Variants in ANP32B observed in about 807,000 individuals in gnomAD.
ANP32B encodes the protein acidic leucine-rich nuclear phosphoprotein 32 family member B.
ANP32B carries 6 observed loss-of-function variants against 32.2 expected under a neutral mutation model. The ratio of observed to expected loss-of-function variants is 0.19; its 90% CI spans 0.10 to 0.37. The LOEUF (loss-of-function observed/expected upper bound fraction) is 0.37. ANP32B is among the 10% of genes least tolerant of loss of function. ANP32B has a pLI of 1.00. For missense variants in ANP32B, 204 were observed against 289.2 expected, an observed-to-expected ratio of 0.71 and a Z score of 2.14; for synonymous variants, 98 against 105.8, an observed-to-expected ratio of 0.93 and a Z score of 0.45.
chr9:97,990,059 A>G (rs956635909), intron 1 of ANP32B, among the ~76,000 whole-genome samples: 8 of 152,192 alleles, frequency 5.3e-5, no homozygotes, highest in Admixed American at 4.6e-4. Context: ...ACTCATACCT[A>G]TGTAGACAGA....
Position 98,015,613 on chromosome 9 carries a change from G to A in ANP32B, c.*182G>A, listed in dbSNP as rs1278313503. 1 of 1,318,080 alleles carries A rather than the reference G, an allele frequency of 7.6e-7. No individual in the cohort carries two copies. The highest frequency in any genetic ancestry group is 9.7e-7 in the Non-Finnish European group (1 of 1,026,538). 81.6% of individuals were successfully genotyped at this position (1,318,080 alleles called of 1,614,324 possible). ...CCTTCCTTCCATGTAGTCCCTCTTG[G>A]TAATCTACCACCAAGCTTGTGGACT... On this transcript the variant is annotated 3_prime_UTR_variant, in exon 7 of 7. Transcript: ENST00000339399.
At chr9:98,013,223 A>G (rs1215298552) in intron 6 of ANP32B, among the ~76,000 whole-genome samples, 1 of 152,156 alleles carries the variant, frequency 6.6e-6, no homozygotes, top group Non-Finnish European at 1.5e-5. Context: ...GGGTTTTGCC[A>G]TGTTGGCCAG....
chr9:97,983,831 G>A (rs890094054), intron 1 of ANP32B, among the ~76,000 whole-genome samples: 2 of 152,046 alleles, frequency 1.3e-5, no homozygotes, highest in African/African-American at 2.4e-5. Context: ...GGAGGCAGCG[G>A]TGTGGGGGAA....
chr9:97,997,195 C>T (rs538534963), intron 2 of ANP32B, among the ~76,000 whole-genome samples: 1 of 152,268 alleles, frequency 6.6e-6, no homozygotes, highest in East Asian at 1.9e-4. Flanking sequence ...ATAAAGCTAA[C>T]ACTTGACTCT....
intron 2 of ANP32B, 55 bp downstream of exon 2, chr9:97,994,835 A>G (rs1827879983): frequency 6.6e-7 from 1 of 1,514,702 alleles, no homozygotes; most frequent in Non-Finnish European, 8.9e-7. Context: ...GGGAAAATGT[A>G]TGATTTTACC....
intron 6 of ANP32B, among the ~76,000 whole-genome samples, chr9:98,012,920 C>T (rs192788995): frequency 2.1e-4 from 32 of 152,236 alleles, no homozygotes; most frequent in Non-Finnish European, 3.1e-4. Context: ...TTAGTAGAGA[C>T]GGGGTTTCAC....
At chr9:97,992,816 T>C (rs559126320) in intron 1 of ANP32B, among the ~76,000 whole-genome samples, 4 of 152,208 alleles carry the variant, frequency 2.6e-5, no homozygotes, top group Non-Finnish European at 5.9e-5. Flanking sequence ...GTCACTGACA[T>C]TTCCCATTCC....
At chr9:97,990,814 CTTTTTTTTT>C (rs34489949) in intron 1 of ANP32B, among the ~76,000 whole-genome samples, 1 of 98,870 alleles carries the variant, frequency 1.0e-5, no homozygotes, top group South Asian at 4.0e-4. Flanking sequence ...ACAGTTGAAC[CTTTTTTTTT>C]TTTTTTTTTT....
At chr9:97,994,170 C>G (rs1827870824) in intron 1 of ANP32B, among the ~76,000 whole-genome samples, 1 of 152,158 alleles carries the variant, frequency 6.6e-6, no homozygotes. Flanking sequence ...GCAGAAACCT[C>G]TAGCCAGAAT....
In ANP32B at chr9:98,015,019, C is replaced by T. The variant is rs551666751; in HGVS notation, c.689-345C>T. On this transcript the variant is annotated intron_variant, in intron 6 of 6. Coordinates refer to ENST00000339399, the MANE Select transcript of ANP32B (RefSeq NM_006401.3). Reference sequence around the variant, plus strand: ...CTGCCTGCCTTGGCCTCCCAAAGTGCTGGGATTATAGGCATGAGCCAGTGG... The same window carrying T: ...CTGCCTGCCTTGGCCTCCCAAAGTGTTGGGATTATAGGCATGAGCCAGTGG... 1.3e-4 allele frequency among the ~76,000 whole-genome samples: 20 copies of T among 152,308 alleles called. No homozygotes were observed. The East Asian group carries it at 3.9e-3, about 29-fold the overall frequency.
intron 1 of ANP32B, among the ~76,000 whole-genome samples, chr9:97,984,975 C>T (rs891127311): frequency 9.9e-5 from 15 of 151,102 alleles, no homozygotes; most frequent in Admixed American, 9.9e-4. Flanking sequence ...GAGGGCGGCC[C>T]TCTTGCGGCG....
intron 1 of ANP32B, among the ~76,000 whole-genome samples, chr9:97,986,108 A>ACCC (rs138203217): frequency 8.6e-5 from 13 of 151,994 alleles, no homozygotes; most frequent in African/African-American, 2.9e-4. Flanking sequence ...GGCGTGAGCC[A>ACCC]CCGCCCCCGG....
intron 4 of ANP32B, among the ~76,000 whole-genome samples, chr9:98,008,445 G>A (rs775352818): frequency 1.2e-4 from 19 of 152,178 alleles, no homozygotes; most frequent in Non-Finnish European, 2.4e-4. Context: ...CAGGTCAATC[G>A]ACTTTGTTCA....
intron 1 of ANP32B, among the ~76,000 whole-genome samples, chr9:97,988,711 C>T (rs771402681): frequency 4.0e-5 from 6 of 151,792 alleles, no homozygotes; most frequent in African/African-American, 1.5e-4. Flanking sequence ...GGCAAAAGAG[C>T]GAGACTCCAT....
intron 4 of ANP32B, among the ~76,000 whole-genome samples, chr9:98,009,616 G>A (rs1385941285): frequency 1.3e-5 from 2 of 152,270 alleles, no homozygotes; most frequent in Admixed American, 1.3e-4. Flanking sequence ...TGATGTGACA[G>A]GAGGCGGAGT....
At chr9:97,987,279 G>A (rs1827752822) in intron 1 of ANP32B, among the ~76,000 whole-genome samples, 2 of 152,174 alleles carry the variant, frequency 1.3e-5, no homozygotes, top group Admixed American at 6.5e-5. Context: ...TAATCTTCAT[G>A]AAGAATGGTG....
Position 98,011,280 on chromosome 9 carries a change from A to G in ANP32B, c.527A>G (p.Asp176Gly), listed in dbSNP as rs1464349905. ...TTTGGACTATTTTTAGAAGGAGAAG[A>G]TGAGGAAGACGAGGACGATGAGGAT... is the stretch of plus-strand genomic sequence containing the variant. ...DEEEEDEEGE[D>G]EEDEDDEDGE... The change falls in exon 5 of 7, where the codon GAT becomes GGT. Residue 176 changes from aspartate (D) to glycine (G), a missense_variant. Asp to Gly is a moderately conservative substitution (Grantham distance 94, BLOSUM62 -1). Transcript: ENST00000339399. 2 of 1,551,330 alleles carry G rather than the reference A, an allele frequency of 1.3e-6. No homozygotes were observed. The highest frequency in any genetic ancestry group is 1.7e-6 in the Non-Finnish European group (2 of 1,146,506).
At chr9:97,990,506 C>T (rs1357902500) in intron 1 of ANP32B, among the ~76,000 whole-genome samples, 2 of 152,122 alleles carry the variant, frequency 1.3e-5, no homozygotes, top group African/African-American at 2.4e-5. Flanking sequence ...ATGCTTCTGG[C>T]GTTCTGTTCT....
chr9:97,997,001 T>C (rs1827916536), intron 2 of ANP32B, among the ~76,000 whole-genome samples: 1 of 152,216 alleles, frequency 6.6e-6, no homozygotes, highest in Non-Finnish European at 1.5e-5. Flanking sequence ...AAAATAAATA[T>C]GCTAATAAAT....
Sources: allele counts gnomAD v4.1 joint callset (sites outside exome capture counted in the v4.1 genomes callset), GRCh38; gene constraint gnomAD v4.1.1; transcripts MANE v1.5; gene names NCBI Gene and HGNC (gene_info 2026-07-23, HGNC 2026-07-21).